Variants in MAST4 observed in about 807,000 individuals in gnomAD.
MAST4 encodes microtubule-associated serine/threonine-protein kinase 4.
In MAST4, 89 loss-of-function variants were observed where a neutral mutation model predicts 162.7. The ratio of observed to expected loss-of-function variants is 0.55; its 90% CI spans 0.46 to 0.65. The LOEUF is 0.65. Among genes scored for constraint, MAST4 ranks in the 30% least tolerant of loss-of-function variants. The pLI is 0.00. For missense variants in MAST4, 3,153 were observed against 3,374.0 expected (o/e 0.93, Z 1.62); for synonymous variants, 1,479 against 1,361.1 (o/e 1.09, Z -1.91).
At chr5:66,905,445 A>C (rs965788691) in intron 4 of MAST4, among the ~76,000 whole-genome samples, 2 of 152,196 alleles carry the variant, frequency 1.3e-5, no homozygotes, top group Non-Finnish European at 2.9e-5. Flanking sequence ...ATTATCCCAG[A>C]GGCAATTTAA....
chr5:67,029,704 G>T (rs148203859), intron 4 of MAST4, among the ~76,000 whole-genome samples: 1 of 152,090 alleles, frequency 6.6e-6, no homozygotes, highest in Non-Finnish European at 1.5e-5. Context: ...ACCTTTATTG[G>T]CAGCATGATT....
In MAST4 at chr5:67,033,378, C is replaced by A. The variant is rs543680663; in HGVS notation, c.675-21026C>A. ...TTTTTTCAGATTGTTACAGATACTTCTCCTTTTTGAAGAAACTATACAGGC... is the reference window on the plus strand; with the variant it reads ...TTTTTTCAGATTGTTACAGATACTTATCCTTTTTGAAGAAACTATACAGGC... On this transcript the variant is annotated intron_variant, in intron 4 of 28. Transcript: ENST00000403625. Among the ~76,000 whole-genome samples the A allele has an allele frequency of 9.2e-4, 120 of 130,576 alleles. 1 individual carries two copies. In the South Asian group the frequency reaches 0.012, roughly 13 times the overall value. 85.7% of individuals were successfully genotyped at this position (130,576 alleles called of 152,430 possible).
chr5:67,052,983 A>C (rs554239218), intron 4 of MAST4, among the ~76,000 whole-genome samples: 1 of 152,300 alleles, frequency 6.6e-6, no homozygotes, highest in Non-Finnish European at 1.5e-5. Flanking sequence ...TTGTGAATTT[A>C]ATAGGTTGAA....
chr5:67,152,065 G>A (rs1211307943), intron 24 of MAST4, among the ~76,000 whole-genome samples: 1 of 152,024 alleles, frequency 6.6e-6, no homozygotes, highest in Non-Finnish European at 1.5e-5. Flanking sequence ...CACTACACCC[G>A]GCCAGTTAAA....
intron 1 of MAST4, among the ~76,000 whole-genome samples, chr5:66,609,556 A>AT (rs1396540646): frequency 0.039 from 5,575 of 143,936 alleles, 342 homozygotes; most frequent in African/African-American, 0.13. Flanking sequence ...CGGCCAGCTA[A>AT]TTTTTTTTTT....
chr5:67,089,507 A>G lies in MAST4; in HGVS notation c.764-655A>G, dbSNP rs1456868352. On this transcript the variant is annotated intron_variant, in intron 5 of 28. Transcript: ENST00000403625. ...CTGGCCAGTCACAGTCCAGCTGCTT[A>G]GGAGCAGAGGGATTGTTGAGGAAAA... is the stretch of plus-strand genomic sequence containing the variant. Among the ~76,000 whole-genome samples, 3 of 152,344 alleles carry G rather than the reference A, an allele frequency of 2.0e-5. No homozygotes were observed. In the East Asian group the frequency reaches 5.8e-4, roughly 29 times the overall value.
At chr5:66,612,349 G>C (rs564946993) in intron 1 of MAST4, among the ~76,000 whole-genome samples, 2 of 152,276 alleles carry the variant, frequency 1.3e-5, no homozygotes, top group East Asian at 3.9e-4. Context: ...TTCACATAAC[G>C]AGTGCTGGTA....
chr5:66,760,250 G>C (rs981940442), intron 2 of MAST4, among the ~76,000 whole-genome samples: 2 of 151,670 alleles, frequency 1.3e-5, no homozygotes, highest in African/African-American at 4.8e-5. Flanking sequence ...TGAGTAGCTG[G>C]GATTACAGGC....
At chr5:66,864,384 C>A (rs1288344391) in intron 3 of MAST4, among the ~76,000 whole-genome samples, 1 of 152,044 alleles carries the variant, frequency 6.6e-6, no homozygotes, top group East Asian at 1.9e-4. Flanking sequence ...AGCGCAAAGA[C>A]CAGTGTGGCT....
In MAST4 at chr5:67,144,922, C is replaced by T; in HGVS notation, c.2858+126C>T. On this transcript the variant is annotated intron_variant, in intron 22 of 28. Transcript: ENST00000403625. The stretch of plus-strand genomic sequence containing the variant: ...CAGATCTCCCACTTCCAGAGTTTCT[C>T]ATCCAGTAGATCTAGGGTAGGGCCT... 4 of 1,206,604 alleles carry T rather than the reference C, an allele frequency of 3.3e-6. No individual in the cohort carries two copies. In the South Asian group the frequency reaches 4.7e-5, roughly 14 times the overall value. The allele number at this position is 1,206,604 out of a possible 1,614,324, so 74.7% of individuals were successfully genotyped here. A position where few individuals can be genotyped will look rare whatever the true frequency, so the allele number is the denominator to read the frequency against.
intron 4 of MAST4, among the ~76,000 whole-genome samples, chr5:66,948,254 G>A (rs1053605466): frequency 6.6e-6 from 1 of 152,132 alleles, no homozygotes; most frequent in Admixed American, 6.6e-5. Context: ...AGTTCCAAAG[G>A]ACCAAAGTTG....
chr5:66,894,789 T>A (rs1275280267), intron 3 of MAST4, among the ~76,000 whole-genome samples: 1 of 152,210 alleles, frequency 6.6e-6, no homozygotes, highest in African/African-American at 2.4e-5. Context: ...AACTTCCAAA[T>A]TCCCTTTGTT....
intron 1 of MAST4, among the ~76,000 whole-genome samples, chr5:66,635,408 G>T (rs182614757): frequency 5.3e-5 from 8 of 152,286 alleles, no homozygotes; most frequent in Admixed American, 5.2e-4. Context: ...CTAATGACTA[G>T]ATTTTGTAAT....
intron 4 of MAST4, among the ~76,000 whole-genome samples, chr5:67,015,335 A>C (rs1753151291): frequency 6.6e-6 from 1 of 152,162 alleles, no homozygotes; most frequent in Admixed American, 6.5e-5. Flanking sequence ...TTCCATTCTT[A>C]TAGGTGTGTC....
chr5:66,684,463 G>T (rs1416061670), intron 1 of MAST4, among the ~76,000 whole-genome samples: 3 of 152,162 alleles, frequency 2.0e-5, no homozygotes, highest in African/African-American at 7.2e-5. Context: ...GCGACAGTAG[G>T]TTCAATTAAA....
intron 1 of MAST4, among the ~76,000 whole-genome samples, chr5:66,742,667 C>T (rs945870765): frequency 1.9e-4 from 29 of 152,042 alleles, no homozygotes; most frequent in African/African-American, 5.6e-4. Context: ...GAACCTGTAC[C>T]CAAAGGCGAA....
At chr5:66,729,088 T>A (rs184269846) in intron 1 of MAST4, among the ~76,000 whole-genome samples, 657 of 152,316 alleles carry the variant, frequency 4.3e-3, no homozygotes, top group South Asian at 0.013. Flanking sequence ...ATTTGCATTT[T>A]AGAAAAGGGA....
At chr5:66,698,170 A>G (rs1749533599) in intron 1 of MAST4, among the ~76,000 whole-genome samples, 6 of 151,912 alleles carry the variant, frequency 3.9e-5, no homozygotes, top group Admixed American at 3.9e-4. Context: ...CACCTGATGG[A>G]CTGGGCTTAA....
At chr5:66,818,574 C>T (rs1358534778) in intron 3 of MAST4, among the ~76,000 whole-genome samples, 1 of 152,056 alleles carries the variant, frequency 6.6e-6, no homozygotes, top group African/African-American at 2.4e-5. Flanking sequence ...CTATGTATAT[C>T]TCCTTGGTCT....
Sources: gnomAD v4.1 joint callset for allele counts (sites outside exome capture counted in the v4.1 genomes callset) on GRCh38, gnomAD v4.1.1 for gene constraint, MANE v1.5 for transcripts, NCBI Gene and HGNC (gene_info 2026-07-23, HGNC 2026-07-21) for gene names.